ANO10: variants seen among roughly 807,000 people sequenced by gnomAD.
ANO10 encodes anoctamin-10.
Under a neutral mutation model 74.7 loss-of-function variants are expected in ANO10, and 77 were observed. The observed-to-expected ratio is 1.03, with a 90% confidence interval of 0.86 to 1.25. The LOEUF is 1.25. Ranked by LOEUF, ANO10 falls within the 50% of genes most tolerant of loss-of-function variation. ANO10 has a pLI of 0.00. For synonymous variants in ANO10, 279 were observed against 284.9 expected (o/e 0.98, Z 0.21); for missense variants, 721 against 778.1 (o/e 0.93, Z 0.87).
rs376056799 is a variant in ANO10, at chr3:43,555,398, T to C, written c.1548A>G (p.Pro516=). The part of the protein sequence containing the change: ...GYVSLFSCVY[P]LAAAFAVLNN... ...TTAACACAGCAAAGGCAGCTGCTAA[T>C]GGGTAAACACAGGAGAAAAGGCTCA... Residue 516 remains proline (P), a synonymous_variant, in exon 10 of 13, where the codon CCA becomes CCG. Coordinates refer to ENST00000292246, the MANE Select transcript of ANO10 (RefSeq NM_018075.5). 1.2e-6 allele frequency: 2 copies of C among 1,614,156 alleles called. No homozygotes were observed. The highest frequency in any genetic ancestry group is 1.7e-5 in the Admixed American group (1 of 60,014).
At chr3:43,579,207 C>T (rs1040699935) in intron 5 of ANO10, among the ~76,000 whole-genome samples, 1 of 151,906 alleles carries the variant, frequency 6.6e-6, no homozygotes, top group Non-Finnish European at 1.5e-5. Context: ...CCAGCACATA[C>T]CAAATAAATT....
intron 12 of ANO10, among the ~76,000 whole-genome samples, chr3:43,388,358 A>T (rs2092184744): frequency 1.3e-5 from 2 of 152,168 alleles, no homozygotes; most frequent in African/African-American, 4.8e-5. Context: ...GTTGGCAGCC[A>T]GCATTATGCA....
At chr3:43,630,582 C>T (rs2149558601) in intron 1 of ANO10, among the ~76,000 whole-genome samples, 1 of 152,268 alleles carries the variant, frequency 6.6e-6, no homozygotes, top group East Asian at 1.9e-4. Context: ...ATTGCTGCCC[C>T]TCAAATGCAC....
intron 11 of ANO10, among the ~76,000 whole-genome samples, chr3:43,532,179 G>T (rs1435241609): frequency 2.0e-5 from 3 of 152,200 alleles, no homozygotes; most frequent in Non-Finnish European, 4.4e-5. Flanking sequence ...ATAGTCAAAA[G>T]GACAGAGGAC....
chr3:43,461,853 G>T (rs760329117), intron 11 of ANO10, among the ~76,000 whole-genome samples: 1 of 152,186 alleles, frequency 6.6e-6, no homozygotes, highest in Non-Finnish European at 1.5e-5. Context: ...CCAAAAATGT[G>T]GAAGCAATTT....
chr3:43,571,041 T>G (rs1355200281), intron 7 of ANO10, among the ~76,000 whole-genome samples: 1 of 151,434 alleles, frequency 6.6e-6, no homozygotes, highest in African/African-American at 2.5e-5. Flanking sequence ...AACAGATACT[T>G]CTCAAAAGAA....
At chr3:43,437,482 G>A (rs940405944) in intron 11 of ANO10, among the ~76,000 whole-genome samples, 14 of 152,266 alleles carry the variant, frequency 9.2e-5, no homozygotes, top group African/African-American at 2.6e-4. Context: ...TCAGAGGACC[G>A]CCTGAGGGAC....
At chr3:43,497,735 G>C (rs2076965708) in intron 11 of ANO10, among the ~76,000 whole-genome samples, 1 of 152,074 alleles carries the variant, frequency 6.6e-6, no homozygotes, top group South Asian at 2.1e-4. Flanking sequence ...CATGGGGGAG[G>C]GAAGCAGCAT....
At chr3:43,444,854 G>A (rs1210250778) in intron 11 of ANO10, among the ~76,000 whole-genome samples, 1 of 152,074 alleles carries the variant, frequency 6.6e-6, no homozygotes, top group East Asian at 1.9e-4. Context: ...TTAAATAGAG[G>A]GATTCAGGTT....
At chr3:43,471,859 T>A (rs555880243) in intron 11 of ANO10, among the ~76,000 whole-genome samples, 2 of 152,316 alleles carry the variant, frequency 1.3e-5, no homozygotes, top group South Asian at 4.1e-4. Flanking sequence ...ACAGGCAAGC[T>A]GACCTTGCCT....
At chr3:43,640,761 G>C (rs1208242731) in intron 1 of ANO10, among the ~76,000 whole-genome samples, 1 of 152,158 alleles carries the variant, frequency 6.6e-6, no homozygotes, top group African/African-American at 2.4e-5. Context: ...GGAACCTAAT[G>C]AATAATTAAG....
chr3:43,425,498 C>T (rs948507529), intron 12 of ANO10, among the ~76,000 whole-genome samples: 4 of 152,020 alleles, frequency 2.6e-5, no homozygotes, highest in African/African-American at 7.2e-5. Context: ...ACTAACAGAA[C>T]GGACCCCCTC....
At chr3:43,475,198 T>G (rs2076019801) in intron 11 of ANO10, among the ~76,000 whole-genome samples, 1 of 152,206 alleles carries the variant, frequency 6.6e-6, no homozygotes, top group African/African-American at 2.4e-5. Context: ...AGATATACCA[T>G]TATAAGGATG....
At chr3:43,548,534 A>G (rs2079303329) in intron 11 of ANO10, among the ~76,000 whole-genome samples, 2 of 152,180 alleles carry the variant, frequency 1.3e-5, no homozygotes, top group African/African-American at 4.8e-5. Context: ...TTCCTACCAA[A>G]TACAATAAGA....
intron 11 of ANO10, among the ~76,000 whole-genome samples, chr3:43,523,876 T>C (rs985702316): frequency 1.3e-5 from 2 of 150,534 alleles, no homozygotes; most frequent in Non-Finnish European, 3.0e-5. Context: ...GGGACTACAG[T>C]GGAAGCTGTG....
chr3:43,691,275 C>T, intron 1 of ANO10: 1 of 374,526 alleles, frequency 2.7e-6, no homozygotes, highest in South Asian at 1.3e-4. Flanking sequence ...CGGACTCCGG[C>T]CGCGCCGGGA....
At chr3:43,626,764 C>A (rs1184259479), upstream of ANO10, among the ~76,000 whole-genome samples, 2 of 152,228 alleles carry the variant, frequency 1.3e-5, no homozygotes, top group African/African-American at 4.8e-5. Flanking sequence ...TTATCATATA[C>A]TAAATTTCCT....
chr3:43,543,385 TTTC>T (rs2079038988), intron 11 of ANO10, among the ~76,000 whole-genome samples: 1 of 151,266 alleles, frequency 6.6e-6, no homozygotes, highest in African/African-American at 2.5e-5. Flanking sequence ...TTCTGCTTCT[TTTC>T]TTTTCTTTTT....
intron 11 of ANO10, among the ~76,000 whole-genome samples, chr3:43,542,316 G>C (rs908157166): frequency 2.0e-5 from 3 of 152,134 alleles, no homozygotes; most frequent in Admixed American, 2.0e-4. Flanking sequence ...GGAGGGCTAG[G>C]CTGAGGCGTG....
Sources: gnomAD v4.1 joint callset for allele counts (sites outside exome capture counted in the v4.1 genomes callset) on GRCh38, gnomAD v4.1.1 for gene constraint, MANE v1.5 for transcripts, NCBI Gene and HGNC (gene_info 2026-07-23, HGNC 2026-07-21) for gene names.